The following ERICH3 variants were observed in gnomAD, a reference collection of about 807,000 sequenced individuals.
The protein encoded by ERICH3 is glutamate-rich protein 3.
ERICH3 carries 126 observed loss-of-function variants against 131.1 expected under a neutral mutation model. The observed-to-expected ratio is 0.96, with a 90% CI of 0.83 to 1.11. The LOEUF (loss-of-function observed/expected upper bound fraction) is 1.11, where lower values mean the gene tolerates loss of function less well. Ranked by LOEUF, ERICH3 falls within the 50% of genes most tolerant of loss-of-function variation. The pLI is 0.00. For synonymous variants in ERICH3, 695 were observed against 644.6 expected, an observed-to-expected ratio of 1.08 and a Z score of -1.18; for missense variants, 2,050 against 1,810.7, an observed-to-expected ratio of 1.13 and a Z score of -2.40.
intron 2 of ERICH3, among the ~76,000 whole-genome samples, chr1:74,647,998 C>G (rs114122342): frequency 7.2e-5 from 11 of 152,100 alleles, no homozygotes; most frequent in African/African-American, 2.7e-4. Flanking sequence ...GCATCAGAAC[C>G]ACCTGCAGGG....
chr1:74,656,362 T>C (rs1199970769), intron 1 of ERICH3, among the ~76,000 whole-genome samples: 2 of 152,136 alleles, frequency 1.3e-5, no homozygotes, highest in African/African-American at 4.8e-5. Flanking sequence ...ACTGGCCCCA[T>C]CACAAGATAT....
At chr1:74,591,904 GTTTC>G (rs925625855) in intron 11 of ERICH3, 1 of 151,284 alleles carries the variant, frequency 6.6e-6, no homozygotes, top group Non-Finnish European at 1.5e-5. Context: ...TCTTTTTTTT[GTTTC>G]TTTATTTCTT....
chr1:74,570,316 A>C lies in ERICH3; in HGVS notation c.*142T>G, dbSNP rs1379200908. 1 of 152,222 alleles carries C rather than the reference A, an allele frequency of 6.6e-6. No homozygotes were observed. Among genetic ancestry groups the C allele is most frequent in the Non-Finnish European group, 1.5e-5 (1 of 68,036 alleles). 9.4% of individuals were successfully genotyped at this position (152,222 alleles called of 1,614,324 possible). A position where few individuals can be genotyped will look rare whatever the true frequency, so the allele number is the denominator to read the frequency against. ...TACTGACCAGGGCTGACAGATTGGGAATCATCTCAGACAAGCGCAACCAGC... is the reference window on the plus strand; with the variant it reads ...TACTGACCAGGGCTGACAGATTGGGCATCATCTCAGACAAGCGCAACCAGC... On this transcript the variant is annotated 3_prime_UTR_variant, in exon 15 of 15. Transcript: ENST00000326665.
intron 9 of ERICH3, among the ~76,000 whole-genome samples, chr1:74,610,384 C>A (rs558947008): frequency 6.7e-6 from 1 of 149,546 alleles, no homozygotes; most frequent in South Asian, 2.2e-4. Context: ...TAGCAACTCA[C>A]ATCTCTATCT....
chr1:74,644,656 C>T (rs1224803629), intron 3 of ERICH3, among the ~76,000 whole-genome samples: 2 of 152,190 alleles, frequency 1.3e-5, no homozygotes, highest in East Asian at 3.9e-4. Flanking sequence ...CTTTCTCCCA[C>T]TTCAGCTTCT....
chr1:74,658,524 G>A (rs1422137834), intron 1 of ERICH3, among the ~76,000 whole-genome samples: 3 of 151,358 alleles, frequency 2.0e-5, no homozygotes, highest in Non-Finnish European at 4.4e-5. Flanking sequence ...GGTTCTGCCA[G>A]CAATTGTGCA....
chr1:74,665,685 G>A (rs552814663), intron 1 of ERICH3, among the ~76,000 whole-genome samples: 1 of 152,274 alleles, frequency 6.6e-6, no homozygotes, highest in African/African-American at 2.4e-5. Flanking sequence ...CCATGTTTGT[G>A]AGCATGTCTT....
intron 5 of ERICH3, 140 bp downstream of exon 5, chr1:74,641,191 C>A: frequency 2.1e-6 from 2 of 940,732 alleles, no homozygotes; most frequent in East Asian, 2.9e-5. Flanking sequence ...CAGAGTTGAA[C>A]AGATATAAGA....
chr1:74,672,212 C>T (rs566339568), intron 1 of ERICH3, among the ~76,000 whole-genome samples: 1 of 152,302 alleles, frequency 6.6e-6, no homozygotes, highest in East Asian at 1.9e-4. Context: ...CAAATGCAAA[C>T]ATACTGCAAA....
chr1:74,582,032 T>G (rs1471365774), intron 12 of ERICH3, among the ~76,000 whole-genome samples: 1 of 152,146 alleles, frequency 6.6e-6, no homozygotes, highest in African/African-American at 2.4e-5. Flanking sequence ...GACATTGCCA[T>G]CTTCTTTGTT....
Position 74,649,124 on chromosome 1 carries a change from C to A in ERICH3, c.117+98G>T, listed in dbSNP as rs559414806. On this transcript the variant is annotated intron_variant, in intron 2 of 14. Transcript: ENST00000326665. ...GAAAGTAATTTTTCTAAAATGAGGG[C>A]AAGTGGAAGATGTCACTCAAAGAGA... 8.4e-5 allele frequency: 63 copies of A among 749,790 alleles called. No individual in the cohort carries two copies. The African/African-American group carries it at 1.0e-3, about 12-fold the overall frequency. The allele number at this position is 749,790 out of a possible 1,614,324, so 46.4% of individuals were successfully genotyped here.
chr1:74,614,142 G>A (rs530967396), intron 8 of ERICH3, among the ~76,000 whole-genome samples: 16 of 152,186 alleles, frequency 1.1e-4, no homozygotes, highest in Admixed American at 5.9e-4. Flanking sequence ...CAAGTTTCAG[G>A]TGATGCTGAT....
Position 74,646,700 on chromosome 1 carries a change from G to T in ERICH3, c.210C>A (p.Ala70=). 1 of 1,464,578 alleles carries T rather than the reference G, an allele frequency of 6.8e-7. No homozygotes were observed. Among genetic ancestry groups the T allele is most frequent in the Non-Finnish European group, 9.3e-7 (1 of 1,080,678 alleles). 90.7% of individuals were successfully genotyped at this position (1,464,578 alleles called of 1,614,324 possible). A position where few individuals can be genotyped will look rare whatever the true frequency, so the allele number is the denominator to read the frequency against. ...CAAGAACTTTATGAAAAATTGCCTG[G>T]GCTAAGCATTCCCGGATATATTTTT... The part of the protein sequence containing the change: ...DHQKYIRECL[A]QAIFHKVLDM... The change falls in exon 3 of 15, where the codon GCC becomes GCA. Residue 70 remains alanine, a synonymous_variant. Coordinates refer to ENST00000326665, the MANE Select transcript of ERICH3 (RefSeq NM_001002912.5).
intron 7 of ERICH3, among the ~76,000 whole-genome samples, chr1:74,626,872 T>A (rs1317163212): frequency 6.6e-6 from 1 of 152,162 alleles, no homozygotes; most frequent in Non-Finnish European, 1.5e-5. Context: ...GAGACATGAA[T>A]CACAGAAGCC....
At chr1:74,645,206 A>AT (rs967856571) in intron 3 of ERICH3, among the ~76,000 whole-genome samples, 6 of 150,888 alleles carry the variant, frequency 4.0e-5, no homozygotes, top group South Asian at 2.1e-4. Flanking sequence ...ATTCTACAGT[A>AT]TTTTTTTTTA....
chr1:74,673,346 T>C, intron 1 of ERICH3, 151 bp downstream of exon 1: 1 of 834,036 alleles, frequency 1.2e-6, no homozygotes, highest in Non-Finnish European at 1.8e-6. Flanking sequence ...CCATCCTCGC[T>C]GCAACCCAGA....
At chr1:74,602,166 G>A (rs996859241) in intron 10 of ERICH3, among the ~76,000 whole-genome samples, 4 of 151,870 alleles carry the variant, frequency 2.6e-5, no homozygotes, top group Non-Finnish European at 4.4e-5. Flanking sequence ...CAAAAGTGAA[G>A]GAACACGAAG....
At position 74,631,907 on chromosome 1, in the gene ERICH3, A is replaced by T; in HGVS notation, c.625T>A (p.Phe209Ile). 12 of 1,612,702 alleles carry T rather than the reference A, an allele frequency of 7.4e-6. No homozygotes were observed. Among genetic ancestry groups the T allele is most frequent in the Non-Finnish European group, 1.0e-5 (12 of 1,179,040 alleles). The change falls in exon 7 of 15, where the codon TTC becomes ATC. Residue 209 changes from phenylalanine to isoleucine, a missense_variant. Coordinates refer to ENST00000326665, the MANE Select transcript of ERICH3 (RefSeq NM_001002912.5). ...PIGGKKAVMK[F>I]RNSIGNSQRM... ...TGTGAATTGCCTATGGAGTTCCTGA[A>T]CTTCATCACTGCCTTCTTGCCCTGT... is the stretch of plus-strand genomic sequence containing the variant.
chr1:74,577,068 AT>A (rs1647072705), intron 12 of ERICH3, 132 bp from the exon 13 acceptor site: 1 of 702,784 alleles, frequency 1.4e-6, no homozygotes, highest in Non-Finnish European at 2.3e-6. Context: ...GAGGCAGGCT[AT>A]TGAAAGAAGA....
Sources: allele counts gnomAD v4.1 joint callset (sites outside exome capture counted in the v4.1 genomes callset), GRCh38; gene constraint gnomAD v4.1.1; transcripts MANE v1.5; gene names NCBI Gene and HGNC (gene_info 2026-07-23, HGNC 2026-07-21).